DMD: variants seen among roughly 807,000 people sequenced by gnomAD.
The protein encoded by DMD is mutant dystrophin.
In DMD, 63 loss-of-function variants were observed where a neutral mutation model predicts 330.1. The observed-to-expected ratio is 0.19, with a 90% confidence interval of 0.16 to 0.24. DMD has a LOEUF of 0.24. DMD is among the 10% of genes least tolerant of loss of function. The pLI is 1.00. For missense variants in DMD, 3,344 were observed against 2,684.1 expected (o/e 1.25, Z -5.43); for synonymous variants, 1,223 against 959.8 (o/e 1.27, Z -5.07).
Position 32,879,347 on chromosome X carries a change from G to A in DMD, c.94-29527C>T, listed in dbSNP as rs759237680. Among the ~76,000 whole-genome samples, 3 of 111,857 alleles carry A rather than the reference G, an allele frequency of 2.7e-5. No homozygotes were observed. In the South Asian group the frequency reaches 1.1e-3, roughly 42 times the overall value. The stretch of plus-strand genomic sequence containing the variant: ...GAGTCACCATTTACATATGGCACAT[G>A]ACTCTCATCACAGCTTGTGTTGCTT... On this transcript the variant is annotated intron_variant, in intron 2 of 78. Transcript: ENST00000357033.
intron 9 of DMD, among the ~76,000 whole-genome samples, chrX:32,679,207 G>A (rs1000118205): frequency 5.4e-5 from 6 of 111,960 alleles, no homozygotes; most frequent in Admixed American, 9.5e-5. Flanking sequence ...TATATGTTTT[G>A]CTTCATGATA....
chrX:31,274,285 G>A (rs746200506), intron 62 of DMD, among the ~76,000 whole-genome samples: 6 of 112,206 alleles, frequency 5.3e-5, no homozygotes, highest in Non-Finnish European at 7.5e-5. Flanking sequence ...AATTCACAGC[G>A]TTTGCTATCA....
At chrX:31,736,890 G>T (rs1402152398) in intron 51 of DMD, among the ~76,000 whole-genome samples, 1 of 111,290 alleles carries the variant, frequency 9.0e-6, no homozygotes, top group East Asian at 2.8e-4. Context: ...AATGCTGTCT[G>T]TATCATTTCC....
intron 74 of DMD, among the ~76,000 whole-genome samples, chrX:31,162,771 A>G (rs992068019): frequency 7.2e-5 from 8 of 111,824 alleles, no homozygotes; most frequent in African/African-American, 2.6e-4. Context: ...GGAGAAATAA[A>G]CTTTCATTCT....
intron 34 of DMD, among the ~76,000 whole-genome samples, chrX:32,375,768 T>G (rs1035422657): frequency 2.7e-5 from 3 of 111,611 alleles, no homozygotes; most frequent in Non-Finnish European, 3.8e-5. Flanking sequence ...TCTACATATT[T>G]TATCCTTTGT....
chrX:32,029,001 T>C (rs933618795), intron 44 of DMD, among the ~76,000 whole-genome samples: 1 of 111,495 alleles, frequency 9.0e-6, no homozygotes, highest in African/African-American at 3.3e-5. Context: ...TAATGCTCTG[T>C]TTTGAACATA....
At chrX:32,243,163 G>C in intron 43 of DMD, among the ~76,000 whole-genome samples, 1 of 110,013 alleles carries the variant, frequency 9.1e-6, no homozygotes, top group Non-Finnish European at 1.9e-5. Flanking sequence ...TATGATCCTA[G>C]GGCTAGGGTA....
At chrX:32,997,360 C>T (rs140730059) in intron 2 of DMD, among the ~76,000 whole-genome samples, 3,867 of 109,728 alleles carry the variant, frequency 0.035, 130 homozygotes, top group East Asian at 0.19. Context: ...ATTCTCCTGC[C>T]TCGGTCTCCT....
chrX:31,938,110 T>A (rs965095180), intron 45 of DMD, among the ~76,000 whole-genome samples: 1 of 111,936 alleles, frequency 8.9e-6, no homozygotes, highest in African/African-American at 3.2e-5. Flanking sequence ...TCTGTCGGGC[T>A]ACTCTTACGC....
intron 44 of DMD, among the ~76,000 whole-genome samples, chrX:32,030,892 A>G (rs757216435): frequency 3.6e-5 from 4 of 111,766 alleles, no homozygotes; most frequent in East Asian, 5.7e-4. Flanking sequence ...TAGCTAGTGG[A>G]AGAGCTAGAA....
At chrX:32,521,244 A>C (rs919192868) in intron 17 of DMD, among the ~76,000 whole-genome samples, 4 of 112,076 alleles carry the variant, frequency 3.6e-5, no homozygotes, top group African/African-American at 6.5e-5. Flanking sequence ...ATCTGGTCTC[A>C]CCACAACCTC....
chrX:31,714,662 G>A (rs1448543619), intron 52 of DMD, among the ~76,000 whole-genome samples: 1 of 111,713 alleles, frequency 9.0e-6, no homozygotes, highest in Non-Finnish European at 1.9e-5. Context: ...TAATTTCTAT[G>A]TCAAAAACAT....
intron 67 of DMD, among the ~76,000 whole-genome samples, chrX:31,186,778 A>G (rs189389477): frequency 2.7e-5 from 3 of 112,930 alleles, no homozygotes; most frequent in Non-Finnish European, 5.6e-5. Flanking sequence ...ATGCAAGTCC[A>G]TTCATCCTTT....
chrX:31,212,166 A>G (rs3032426), intron 64 of DMD, among the ~76,000 whole-genome samples: 5,451 of 85,036 alleles, frequency 0.064, 201 homozygotes, highest in African/African-American at 0.14. Context: ...ATATATATAT[A>G]TGTGTGTGTG....
At position 33,152,572 on chromosome X, in the gene DMD, T is replaced by C. The variant is rs965667325; in HGVS notation, c.31+58710A>G. Among the ~76,000 whole-genome samples the C allele has an allele frequency of 8.2e-5, 9 of 110,352 alleles. No homozygotes were observed. The Admixed American group carries it at 8.8e-4, about 11-fold the overall frequency. On this transcript the variant is annotated intron_variant, in intron 1 of 78. Coordinates refer to ENST00000357033, the MANE Select transcript of DMD (RefSeq NM_004006.3). Reference sequence around the variant, plus strand: ...TCTTCAGGATACGTTGCATTTATATTGTATATCAGCGTGTATTAAAGTGTG... The same window carrying C: ...TCTTCAGGATACGTTGCATTTATATCGTATATCAGCGTGTATTAAAGTGTG...
chrX:32,790,531 C>A (rs1298519853), intron 7 of DMD, among the ~76,000 whole-genome samples: 1 of 111,340 alleles, frequency 9.0e-6, no homozygotes, highest in Admixed American at 9.6e-5. Flanking sequence ...AGAGCCCAGC[C>A]CCCACCAGTC....
intron 4 of DMD, among the ~76,000 whole-genome samples, chrX:32,841,502 A>C: frequency 8.9e-6 from 1 of 112,077 alleles, no homozygotes; most frequent in Non-Finnish European, 1.9e-5. Flanking sequence ...GTGTGTAGAG[A>C]GAGAGAGAAC....
At chrX:31,928,837 A>C (rs191958472) in intron 47 of DMD, among the ~76,000 whole-genome samples, 9 of 111,890 alleles carry the variant, frequency 8.0e-5, no homozygotes, top group Non-Finnish European at 1.7e-4. Context: ...GATTGTAATT[A>C]AGCCAGTGAA....
intron 44 of DMD, among the ~76,000 whole-genome samples, chrX:32,021,070 G>A (rs2095802725): frequency 8.9e-6 from 1 of 112,366 alleles, no homozygotes; most frequent in African/African-American, 3.2e-5. Flanking sequence ...AGCGAATACT[G>A]TTGAGAAATT....
Sources: gnomAD v4.1 joint callset for allele counts (sites outside exome capture counted in the v4.1 genomes callset) on GRCh38, gnomAD v4.1.1 for gene constraint, MANE v1.5 for transcripts, NCBI Gene and HGNC (gene_info 2026-07-23, HGNC 2026-07-21) for gene names.